The following MCF2L variants were observed in gnomAD, a reference collection of about 807,000 sequenced individuals.
The protein encoded by MCF2L is MCF.2 cell line derived transforming sequence like.
In MCF2L, 97 loss-of-function variants were observed where a neutral mutation model predicts 153.4. The observed-to-expected ratio is 0.63, with a 90% confidence interval of 0.54 to 0.75. The LOEUF (loss-of-function observed/expected upper bound fraction) is 0.75, where lower values mean the gene tolerates loss of function less well. Ranked by LOEUF, MCF2L falls within the 30% of genes least tolerant of loss-of-function variation. MCF2L has a pLI of 0.00. For synonymous variants in MCF2L, 659 were observed against 632.2 expected (o/e 1.04, Z -0.64); for missense variants, 1,347 against 1,495.2 (o/e 0.90, Z 1.64).
In MCF2L at chr13:113,014,862, T is replaced by C. The variant is rs199506179; in HGVS notation, c.163+16T>C. 2.9e-4 allele frequency: 461 copies of C among 1,610,366 alleles called. 4 individuals carry two copies. In the African/African-American group the frequency reaches 5.0e-3, roughly 17 times the overall value. ...TACCTGTCCGGTGAGTTCCAGAAGC[T>C]GGGATGGGGTGGAGAGGGAGGGGTC... On this transcript the variant is annotated intron_variant, in intron 2 of 29. Coordinates refer to ENST00000535094, the MANE Select transcript of MCF2L (RefSeq NM_001112732.3).
intron 1 of MCF2L, among the ~76,000 whole-genome samples, chr13:112,995,122 G>T (rs574253214): frequency 6.6e-6 from 1 of 152,172 alleles, no homozygotes; most frequent in Admixed American, 6.5e-5. Flanking sequence ...TCCAGGATGC[G>T]GCTGTTTGGT....
rs973619067 is a variant in MCF2L at position 113,097,531 on chromosome 13, C to T, written c.*672C>T. ...GGTCACAGGTGGATGAAAACGTGTC[C>T]GTGGGTGACATCAGGTGGTGTCTCC... On this transcript the variant is annotated 3_prime_UTR_variant, in exon 30 of 30. Coordinates refer to ENST00000535094, the MANE Select transcript of MCF2L (RefSeq NM_001112732.3). 3.9e-5 allele frequency: 6 copies of T among 152,164 alleles called. No homozygotes were observed. Among genetic ancestry groups the T allele is most frequent in the African/African-American group, 1.4e-4 (6 of 41,494 alleles). The allele number at this position is 152,164 out of a possible 1,614,324, so 9.4% of individuals were successfully genotyped here.
intron 2 of MCF2L, among the ~76,000 whole-genome samples, chr13:112,963,345 G>C (rs1339921600): frequency 6.6e-6 from 1 of 152,212 alleles, no homozygotes; most frequent in Non-Finnish European, 1.5e-5. Context: ...CTTCTGGCCA[G>C]GATTCTGGGG....
chr13:112,913,878 T>C (rs2081261819), intron 2 of MCF2L, among the ~76,000 whole-genome samples: 2 of 152,222 alleles, frequency 1.3e-5, no homozygotes, highest in South Asian at 4.1e-4. Context: ...TTCTCAGCAC[T>C]GCAGACTCTT....
intron 1 of MCF2L, among the ~76,000 whole-genome samples, chr13:113,007,528 T>G (rs2141114024): frequency 6.6e-6 from 1 of 152,314 alleles, no homozygotes; most frequent in South Asian, 2.1e-4. Flanking sequence ...TCCGTGTAAT[T>G]TAAAGATCTC....
intron 3 of MCF2L, chr13:113,026,977 G>A (rs747617432): frequency 6.4e-6 from 5 of 778,884 alleles, no homozygotes; most frequent in East Asian, 2.4e-5. Context: ...GGAAGATGCT[G>A]AGAATGTCAG....
At chr13:112,940,811 C>A (rs1473370849) in intron 2 of MCF2L, among the ~76,000 whole-genome samples, 1 of 127,696 alleles carries the variant, frequency 7.8e-6, no homozygotes, top group Non-Finnish European at 1.7e-5. Context: ...TTCATGAGCA[C>A]TTAAAAAAAA....
At chr13:112,991,332 G>A (rs980755202) in intron 1 of MCF2L, among the ~76,000 whole-genome samples, 14 of 147,404 alleles carry the variant, frequency 9.5e-5, no homozygotes, top group African/African-American at 3.3e-4. Flanking sequence ...GTGTTTTGGG[G>A]GGCATCTCCC....
chr13:112,906,723 G>A (rs139359574), intron 2 of MCF2L, among the ~76,000 whole-genome samples: 3 of 152,340 alleles, frequency 2.0e-5, no homozygotes, highest in African/African-American at 4.8e-5. Flanking sequence ...AGAATTGAGC[G>A]TGAGAGAGCA....
At chr13:113,065,309 T>G in intron 7 of MCF2L, 1 of 559,062 alleles carries the variant, frequency 1.8e-6, no homozygotes, top group Non-Finnish European at 3.2e-6. Flanking sequence ...ATGAACCCTG[T>G]AGATTGCTGG....
chr13:112,960,339 C>T lies in MCF2L; in HGVS notation c.170-54424C>T, dbSNP rs981881493. Among the ~76,000 whole-genome samples the T allele has an allele frequency of 9.2e-5, 14 of 152,200 alleles. No individual in the cohort carries two copies. The highest frequency in any genetic ancestry group is 1.3e-4 in the Non-Finnish European group (9 of 68,038). On this transcript the variant is annotated intron_variant, in intron 2 of 29. Coordinates refer to the MCF2L transcript ENST00000375608. The surrounding 1 kb of genome is among the most constrained non-coding windows in gnomAD (Gnocchi z 4.2). ...AACAGCGCTCGTCCAGTCATGAGGG[C>T]AGGGTCCTCAGACCTGGTCACCTCT...
intron 5 of MCF2L, 130 bp downstream of exon 5, chr13:113,060,842 T>G (rs915575555): frequency 2.6e-5 from 33 of 1,270,448 alleles, no homozygotes; most frequent in Non-Finnish European, 3.5e-5. Flanking sequence ...CCGCAGGACC[T>G]GGCGGGAAGT....
chr13:113,036,552 C>T (rs2086163798), intron 3 of MCF2L, among the ~76,000 whole-genome samples: 1 of 152,116 alleles, frequency 6.6e-6, no homozygotes, highest in African/African-American at 2.4e-5. Flanking sequence ...CCATGGAGGG[C>T]AACGGCAGTG....
At chr13:113,076,889 G>A (rs182844415) in intron 12 of MCF2L, among the ~76,000 whole-genome samples, 163 bp from the exon 13 acceptor site, 5 of 152,262 alleles carry the variant, frequency 3.3e-5, no homozygotes, top group African/African-American at 9.6e-5. Flanking sequence ...CTCTCCGTCC[G>A]TAGTGGCCAG....
chr13:113,078,170 C>T (rs1177569789), intron 13 of MCF2L, among the ~76,000 whole-genome samples, 193 bp from the exon 14 acceptor site: 1 of 151,864 alleles, frequency 6.6e-6, no homozygotes, highest in Non-Finnish European at 1.5e-5. Flanking sequence ...ACGCCACCAC[C>T]TGTGGCCCCA....
intron 3 of MCF2L, among the ~76,000 whole-genome samples, chr13:113,026,624 C>G (rs1049755206): frequency 1.3e-5 from 2 of 152,208 alleles, no homozygotes; most frequent in African/African-American, 2.4e-5. Flanking sequence ...TGCCGAGGAG[C>G]CCATCTGCAC....
chr13:112,988,221 G>C (rs543633088), intron 1 of MCF2L, among the ~76,000 whole-genome samples: 5 of 152,002 alleles, frequency 3.3e-5, no homozygotes, highest in Non-Finnish European at 7.4e-5. Context: ...GATGCTCTCT[G>C]TGGTCCTCGT....
chr13:113,061,178 C>A (rs1480164129), intron 5 of MCF2L, among the ~76,000 whole-genome samples: 1 of 152,106 alleles, frequency 6.6e-6, no homozygotes, highest in African/African-American at 2.4e-5. Flanking sequence ...CAGGGATGGG[C>A]CGGACCTGTC....
chr13:112,897,408 C>T lies in MCF2L; in HGVS notation c.-5+2977C>T, dbSNP rs542390542. On this transcript the variant is annotated intron_variant, in intron 1 of 29. Coordinates refer to the MCF2L transcript ENST00000375608. Reference sequence around the variant, plus strand: ...GTTCACAGGAAGCCCACTCCTCCTCCCCAGCCATGCCTGGGATCTCCTCGG... The same window carrying T: ...GTTCACAGGAAGCCCACTCCTCCTCTCCAGCCATGCCTGGGATCTCCTCGG... Among the ~76,000 whole-genome samples, 130 of 152,306 alleles carry T rather than the reference C, an allele frequency of 8.5e-4. 2 individuals are homozygous for T. Among genetic ancestry groups the T allele is most frequent in the African/African-American group, 2.9e-3 (121 of 41,574 alleles).
Sources: allele counts gnomAD v4.1 joint callset (sites outside exome capture counted in the v4.1 genomes callset), GRCh38; gene constraint gnomAD v4.1.1; non-coding constraint Gnocchi (gnomAD v3.1); transcripts MANE v1.5; gene names NCBI Gene and HGNC (gene_info 2026-07-23, HGNC 2026-07-21).